PTPRA: variants seen among roughly 807,000 people sequenced by gnomAD.
PTPRA encodes protein tyrosine phosphatase receptor type A.
In PTPRA, 25 loss-of-function variants were observed where a neutral mutation model predicts 104.8. The ratio of observed to expected loss-of-function variants is 0.24; its 90% CI spans 0.17 to 0.33. The LOEUF (loss-of-function observed/expected upper bound fraction) is 0.33, where lower values mean the gene tolerates loss of function less well. Among genes scored for constraint, PTPRA ranks in the 10% least tolerant of loss-of-function variants. PTPRA has a pLI of 1.00. For synonymous variants in PTPRA, 323 were observed against 368.9 expected (o/e 0.88, Z 1.43); for missense variants, 765 against 1,015.3 (o/e 0.75, Z 3.35).
intron 1 of PTPRA, among the ~76,000 whole-genome samples, chr20:2,912,933 T>C (rs2059776176): frequency 6.6e-6 from 1 of 152,232 alleles, no homozygotes; most frequent in South Asian, 2.1e-4. Context: ...GACATTAGTG[T>C]GCACTTTTTT....
intron 1 of PTPRA, among the ~76,000 whole-genome samples, chr20:2,876,103 G>A (rs554146244): frequency 9.2e-5 from 14 of 152,318 alleles, no homozygotes; most frequent in Non-Finnish European, 2.1e-4. Context: ...AAGATCATTT[G>A]GGGGCAATAT....
intron 3 of PTPRA, among the ~76,000 whole-genome samples, chr20:2,960,851 T>C (rs2061731236): frequency 6.6e-6 from 1 of 151,602 alleles, no homozygotes; most frequent in Admixed American, 6.6e-5. Flanking sequence ...TTATTTTCTT[T>C]TTTTTTTTTT....
chr20:2,870,971 G>C (rs548274302), upstream of PTPRA, among the ~76,000 whole-genome samples: 20 of 152,280 alleles, frequency 1.3e-4, no homozygotes, highest in African/African-American at 4.3e-4. Flanking sequence ...ATGGGCGAGG[G>C]AGCTCAGGAC....
intron 2 of PTPRA, among the ~76,000 whole-genome samples, chr20:2,940,070 A>T (rs546113305): frequency 6.6e-6 from 1 of 152,384 alleles, no homozygotes; most frequent in East Asian, 1.9e-4. Flanking sequence ...AGATCGCGCC[A>T]CTGCGCTCCA....
At chr20:2,885,880 A>G (rs1401399303) in intron 1 of PTPRA, among the ~76,000 whole-genome samples, 1 of 152,188 alleles carries the variant, frequency 6.6e-6, no homozygotes, top group South Asian at 2.1e-4. Flanking sequence ...CCTGACCAAC[A>G]TGGTGAAACC....
At chr20:2,875,422 T>C (rs2089655990) in intron 1 of PTPRA, among the ~76,000 whole-genome samples, 1 of 152,212 alleles carries the variant, frequency 6.6e-6, no homozygotes, top group Non-Finnish European at 1.5e-5. Context: ...GGGCCTGTTC[T>C]CTGTTTAGCC....
chr20:2,960,695 C>T (rs976069505), intron 3 of PTPRA, among the ~76,000 whole-genome samples: 7 of 152,058 alleles, frequency 4.6e-5, no homozygotes, highest in African/African-American at 1.2e-4. Flanking sequence ...CACCACCATG[C>T]CCAGCTAAGT....
At chr20:2,966,667 C>T (rs1029785973) in intron 5 of PTPRA, among the ~76,000 whole-genome samples, 1 of 152,066 alleles carries the variant, frequency 6.6e-6, no homozygotes, top group Non-Finnish European at 1.5e-5. Flanking sequence ...CTAGAATAAT[C>T]CTATGAATTA....
intron 1 of PTPRA, among the ~76,000 whole-genome samples, chr20:2,892,039 C>T (rs1330458244): frequency 2.6e-5 from 4 of 151,980 alleles, no homozygotes; most frequent in Non-Finnish European, 5.9e-5. Context: ...CCCGTAATCC[C>T]AGCACTTTGG....
intron 3 of PTPRA, among the ~76,000 whole-genome samples, chr20:2,955,309 G>A (rs2061497698): frequency 6.6e-6 from 1 of 152,118 alleles, no homozygotes; most frequent in Non-Finnish European, 1.5e-5. Context: ...TCTATTTTGT[G>A]TATTTGTTTA....
chr20:2,878,201 T>C (rs985600534), intron 1 of PTPRA, among the ~76,000 whole-genome samples: 10 of 85,662 alleles, frequency 1.2e-4, no homozygotes, highest in Non-Finnish European at 1.6e-4. Context: ...TCGACAGCTG[T>C]AGTTTTTTTT....
chr20:3,014,871 C>T (rs1221980185), intron 11 of PTPRA, among the ~76,000 whole-genome samples: 1 of 152,148 alleles, frequency 6.6e-6, no homozygotes, highest in African/African-American at 2.4e-5. Flanking sequence ...CTGAATTGAA[C>T]ATACATTTAA....
chr20:2,923,278 TAACTA>T lies in PTPRA; in HGVS notation c.-55_-51del. 1 of 1,286,712 alleles carries T rather than the reference TAACTA, an allele frequency of 7.8e-7. No individual in the cohort carries two copies. 79.7% of individuals were successfully genotyped at this position (1,286,712 alleles called of 1,614,324 possible). ...GTGGTAATGGATGATGCAGTTCAAA[TAACTA>T]AGGTAAGAGAAATAAAACCAGAACT... On this transcript the variant is annotated splice_region_variant and 5_prime_UTR_variant, in exon 2 of 24. The change creates a premature stop within an existing upstream ORF in the 5' untranslated region. Coordinates refer to ENST00000399903, the MANE Select transcript of PTPRA (RefSeq NM_001385305.1).
intron 2 of PTPRA, among the ~76,000 whole-genome samples, chr20:2,938,839 T>G (rs2060802562): frequency 6.6e-6 from 1 of 152,228 alleles, no homozygotes; most frequent in Admixed American, 6.5e-5. Flanking sequence ...GAGCGCTGTT[T>G]TAAATTCTTT....
At chr20:2,897,449 G>A (rs1028426444) in intron 1 of PTPRA, among the ~76,000 whole-genome samples, 4 of 145,854 alleles carry the variant, frequency 2.7e-5, no homozygotes, top group East Asian at 2.0e-4. Flanking sequence ...GTGCAATGGC[G>A]TGATCTCGTC....
At chr20:2,984,937 C>G (rs762536366) in intron 6 of PTPRA, among the ~76,000 whole-genome samples, 2 of 152,216 alleles carry the variant, frequency 1.3e-5, no homozygotes, top group Non-Finnish European at 2.9e-5. Flanking sequence ...GTCACTTTCT[C>G]TCTCCCCACC....
Position 2,901,259 on chromosome 20 carries a change from G to A in PTPRA, c.-128-21948G>A, listed in dbSNP as rs552598203. Among the ~76,000 whole-genome samples, 9 of 151,600 alleles carry A rather than the reference G, an allele frequency of 5.9e-5. No homozygotes were observed. The South Asian group carries it at 1.5e-3, about 25-fold the overall frequency. On this transcript the variant is annotated intron_variant, in intron 1 of 23. Coordinates refer to ENST00000399903, the MANE Select transcript of PTPRA (RefSeq NM_001385305.1). The stretch of plus-strand genomic sequence containing the variant: ...GCTGGGATTACAGGCATGAGCCACC[G>A]CACCCAGCCTTTTTTTTTCCCTTGA...
At chr20:2,896,147 G>C (rs1019611354) in intron 1 of PTPRA, among the ~76,000 whole-genome samples, 3 of 152,118 alleles carry the variant, frequency 2.0e-5, no homozygotes, top group Non-Finnish European at 4.4e-5. Flanking sequence ...GGCTGAGGCA[G>C]GGGGATCACT....
At chr20:2,864,797 G>T in the PTPRA span, 1 of 1,163,046 alleles carries the variant, frequency 8.6e-7, no homozygotes. This position sits in a 1 kb window ranked among gnomAD's most constrained non-coding sequence, Gnocchi z 5.2. Context: ...CGTGAGGCCA[G>T]GATGGGGGTT....
Sources: gnomAD v4.1 joint callset for allele counts (sites outside exome capture counted in the v4.1 genomes callset) on GRCh38, gnomAD v4.1.1 for gene constraint, Gnocchi (gnomAD v3.1) non-coding constraint, MANE v1.5 for transcripts, NCBI Gene and HGNC (gene_info 2026-07-23, HGNC 2026-07-21) for gene names.